Variants in EIF3D observed in about 807,000 individuals in gnomAD.
The protein encoded by EIF3D is eIF3 p66.
Under a neutral mutation model 75.4 loss-of-function variants are expected in EIF3D, and 10 were observed. The ratio of observed to expected loss-of-function variants is 0.13; its 90% CI spans 0.08 to 0.22. The LOEUF is 0.22. Among genes scored for constraint, EIF3D ranks in the 10% least tolerant of loss-of-function variants. The probability of loss-of-function intolerance (pLI) is 1.00; values close to 1 mark genes in which losing one functional copy is unlikely to be tolerated. For missense variants in EIF3D, 394 were observed against 708.0 expected (o/e 0.56, Z 5.03); for synonymous variants, 246 against 248.3 (o/e 0.99, Z 0.09).
At chr22:36,524,870 A>C in intron 3 of EIF3D, 138 bp from the exon 4 acceptor site, 2 of 1,052,886 alleles carry the variant, frequency 1.9e-6, no homozygotes, top group Non-Finnish European at 1.4e-6. Context: ...ACACAGACTC[A>C]CAGTCCCACC....
chr22:36,520,060 G>T (rs777895977), intron 7 of EIF3D, among the ~76,000 whole-genome samples: 12 of 152,040 alleles, frequency 7.9e-5, no homozygotes, highest in African/African-American at 2.4e-5. Context: ...TTCTCTTTCT[G>T]CCAAAAGAGT....
chr22:36,517,068 A>T (rs2145871905), intron 10 of EIF3D: 2 of 621,450 alleles, frequency 3.2e-6, no homozygotes, highest in South Asian at 4.0e-5. Context: ...TTTATTATTT[A>T]TTGTTCACTG....
At chr22:36,520,962 G>A (rs978279134) in intron 6 of EIF3D, among the ~76,000 whole-genome samples, 5 of 152,120 alleles carry the variant, frequency 3.3e-5, no homozygotes, top group African/African-American at 1.2e-4. Flanking sequence ...CCCTTTGGGA[G>A]GCCAAGGCGG....
chr22:36,511,165 C>A, intron 14 of EIF3D, 165 bp from the exon 15 acceptor site: 1 of 923,362 alleles, frequency 1.1e-6, no homozygotes, highest in Non-Finnish European at 1.6e-6. Flanking sequence ...CCTTCAGTCA[C>A]CAGCTGGTGG....
At chr22:36,512,128 G>C (rs886527953) in intron 13 of EIF3D, among the ~76,000 whole-genome samples, 3 of 152,142 alleles carry the variant, frequency 2.0e-5, no homozygotes, top group African/African-American at 7.2e-5. Flanking sequence ...CTGACCTCGT[G>C]ATCTGCCAGC....
chr22:36,511,344 T>C (rs1934331864), intron 14 of EIF3D, among the ~76,000 whole-genome samples, 159 bp downstream of exon 14: 1 of 152,228 alleles, frequency 6.6e-6, no homozygotes, highest in East Asian at 1.9e-4. Flanking sequence ...CTAAAGGCTC[T>C]AGAAGAAGCT....
intron 2 of EIF3D, 128 bp downstream of exon 2, chr22:36,525,871 A>C: frequency 1.4e-6 from 2 of 1,479,642 alleles, no homozygotes; most frequent in Non-Finnish European, 1.8e-6. Flanking sequence ...CCCAGAGATA[A>C]CCTTTCTCAG....
intron 12 of EIF3D, among the ~76,000 whole-genome samples, chr22:36,514,867 G>T (rs1336496318): frequency 6.6e-6 from 1 of 152,194 alleles, no homozygotes; most frequent in African/African-American, 2.4e-5. Context: ...TCCAATGTTG[G>T]AGGAGGAGCA....
intron 1 of EIF3D, among the ~76,000 whole-genome samples, chr22:36,527,501 G>A (rs984493997): frequency 1.3e-5 from 2 of 152,206 alleles, no homozygotes; most frequent in Admixed American, 6.5e-5. Flanking sequence ...GTAACCTTCT[G>A]AAAATGCTTA....
At position 36,516,936 on chromosome 22, in the gene EIF3D, G is replaced by T. The variant is rs1934437105; in HGVS notation, c.991-146C>A. ...GGGCTCTGAGCTCGCTGCCTGTTTT[G>T]TGCCTACTTGACCCCTCCCAACTGT... On this transcript the variant is annotated intron_variant, in intron 10 of 14. Transcript: ENST00000216190. The T allele has an allele frequency of 5.5e-6, 4 of 726,028 alleles. No homozygotes were observed. The South Asian group carries it at 6.5e-5, about 12-fold the overall frequency. 45.0% of individuals were successfully genotyped at this position (726,028 alleles called of 1,614,324 possible).
intron 5 of EIF3D, 103 bp from the exon 6 acceptor site, chr22:36,523,384 T>G: frequency 1.1e-6 from 1 of 875,876 alleles, no homozygotes; most frequent in Admixed American, 2.3e-5. Flanking sequence ...CCATCACCAC[T>G]AACTCCTTTA....
At chr22:36,512,126 G>C (rs57437975) in intron 13 of EIF3D, among the ~76,000 whole-genome samples, 1 of 152,088 alleles carries the variant, frequency 6.6e-6, no homozygotes, top group Non-Finnish European at 1.5e-5. Flanking sequence ...TCCTGACCTC[G>C]TGATCTGCCA....
Position 36,516,552 on chromosome 22 carries a change from C to T in EIF3D, c.1132G>A (p.Asp378Asn), listed in dbSNP as rs140193656. 6.8e-6 allele frequency: 11 copies of T among 1,614,020 alleles called. No individual in the cohort carries two copies. In the African/African-American group the frequency reaches 1.2e-4, roughly 18 times the overall value. Residue 378 changes from aspartate (D) to asparagine (N), a missense_variant, in exon 12 of 15, where the codon GAT (aspartate) becomes AAT (asparagine). Coordinates refer to ENST00000216190, the MANE Select transcript of EIF3D (RefSeq NM_003753.4). Reference protein sequence around the residue: ...DIDLIVRCEHDGVMTGANGEV... With the variant: ...DIDLIVRCEHNGVMTGANGEV... Reference sequence around the variant, plus strand: ...CCGTTGGCTCCAGTCATGACGCCATCGTGCTCACAACGGACAATAAGGTCA... The same window carrying T: ...CCGTTGGCTCCAGTCATGACGCCATTGTGCTCACAACGGACAATAAGGTCA...
In EIF3D at chr22:36,526,066, C is replaced by T; in HGVS notation, c.56G>A (p.Cys19Tyr). The stretch of plus-strand genomic sequence containing the variant: ...ATCCCGAAACTGCTCGGGAACCGCA[C>T]AGGGACCCCAGCCTGAGGGGTTGTC... The part of the protein sequence containing the change: ...IQDNPSGWGP[C>Y]AVPEQFRDMP... Residue 19 changes from cysteine (C) to tyrosine (Y), a missense_variant, in exon 2 of 15, where the codon TGT (cysteine) becomes TAT (tyrosine). Cys to Tyr is a radical substitution (Grantham distance 194). Transcript: ENST00000216190. 6.2e-7 allele frequency: 1 copy of T among 1,613,656 alleles called. No homozygotes were observed. Among genetic ancestry groups the T allele is most frequent in the Non-Finnish European group, 8.5e-7 (1 of 1,179,774 alleles).
chr22:36,512,047 C>T (rs998530774), intron 13 of EIF3D, among the ~76,000 whole-genome samples: 18 of 152,104 alleles, frequency 1.2e-4, no homozygotes, highest in African/African-American at 2.9e-4. Context: ...CCCGCCACTA[C>T]GCCCGGCTAA....
Position 36,529,148 on chromosome 22 carries a change from T to G in EIF3D, c.-83A>C. ...GGGACCGCGTTAGCAGCAGCACTCT[T>G]GAGAAACCAGGAAAAGAGGAAACAT... On this transcript the variant is annotated 5_prime_UTR_variant, in exon 1 of 15. Coordinates refer to ENST00000216190, the MANE Select transcript of EIF3D (RefSeq NM_003753.4). 1 of 396,778 alleles carries G rather than the reference T, an allele frequency of 2.5e-6. No individual in the cohort carries two copies. The allele number at this position is 396,778 out of a possible 1,614,324, so 24.6% of individuals were successfully genotyped here. A position where few individuals can be genotyped will look rare whatever the true frequency, so the allele number is the denominator to read the frequency against.
intron 12 of EIF3D, among the ~76,000 whole-genome samples, chr22:36,514,098 T>C (rs1934385658): frequency 6.6e-6 from 1 of 151,866 alleles, no homozygotes; most frequent in Non-Finnish European, 1.5e-5. Context: ...AACAGAATAA[T>C]GTAAAAAAGA....
At chr22:36,523,531 A>G (rs73411764) in intron 5 of EIF3D, among the ~76,000 whole-genome samples, 3,686 of 152,260 alleles carry the variant, frequency 0.024, 138 homozygotes, top group African/African-American at 0.085. Context: ...GATAGTTCCA[A>G]TCTGGGGTGT....
chr22:36,521,399 G>C (rs947023185), intron 6 of EIF3D, among the ~76,000 whole-genome samples: 1 of 152,036 alleles, frequency 6.6e-6, no homozygotes, highest in African/African-American at 2.4e-5. Flanking sequence ...TATTTCTCTC[G>C]GGTTATTAAC....
Sources: gnomAD v4.1 joint callset for allele counts (sites outside exome capture counted in the v4.1 genomes callset) on GRCh38, gnomAD v4.1.1 for gene constraint, MANE v1.5 for transcripts, NCBI Gene and HGNC (gene_info 2026-07-23, HGNC 2026-07-21) for gene names.